Variants in INPP4B observed in about 807,000 individuals in gnomAD.
The protein encoded by INPP4B is inositol polyphosphate-4-phosphatase type II B.
A neutral mutation model predicts 122.5 loss-of-function variants in INPP4B; 55 were observed. The ratio of observed to expected loss-of-function variants is 0.45; its 90% CI spans 0.36 to 0.56. The LOEUF (loss-of-function observed/expected upper bound fraction) is 0.56. Ranked by LOEUF, INPP4B falls within the 20% of genes least tolerant of loss-of-function variation. The pLI is 0.00. For missense variants in INPP4B, 1,000 were observed against 1,097.7 expected, an observed-to-expected ratio of 0.91 and a Z score of 1.26; for synonymous variants, 403 against 388.7, an observed-to-expected ratio of 1.04 and a Z score of -0.43.
At chr4:142,716,938 T>A (rs1763852230) in intron 2 of INPP4B, among the ~76,000 whole-genome samples, 2 of 152,156 alleles carry the variant, frequency 1.3e-5, no homozygotes, top group South Asian at 4.1e-4. Flanking sequence ...AAGTGATAGG[T>A]TAACATAAGT....
chr4:142,087,409 T>G (rs949317819), intron 23 of INPP4B, among the ~76,000 whole-genome samples: 2 of 152,138 alleles, frequency 1.3e-5, no homozygotes, highest in East Asian at 3.9e-4. Context: ...ACGGAGACAA[T>G]GTACGTTATG....
intron 17 of INPP4B, among the ~76,000 whole-genome samples, chr4:142,159,260 T>TG (rs1483924625): frequency 9.8e-4 from 6 of 6,102 alleles, no homozygotes; most frequent in South Asian, 0.012. Flanking sequence ...CTTGGAACTG[T>TG]GAAAAAAAAA....
chr4:142,474,706 C>T (rs1819518486), intron 2 of INPP4B, among the ~76,000 whole-genome samples: 1 of 152,138 alleles, frequency 6.6e-6, no homozygotes, highest in African/African-American at 2.4e-5. Context: ...TCCAGCCCGG[C>T]AGTCCCACTT....
At chr4:142,668,373 T>G (rs969007873) in intron 2 of INPP4B, among the ~76,000 whole-genome samples, 5 of 152,074 alleles carry the variant, frequency 3.3e-5, no homozygotes, top group Admixed American at 3.3e-4. Flanking sequence ...AGGTCACATA[T>G]GACAAAACTC....
chr4:142,679,957 A>C (rs1463660993), intron 2 of INPP4B, among the ~76,000 whole-genome samples: 2 of 151,782 alleles, frequency 1.3e-5, no homozygotes, highest in Admixed American at 6.6e-5. Flanking sequence ...TAAGCAATTA[A>C]ATTTAGAAAT....
chr4:142,155,431 G>A (rs996264699), intron 17 of INPP4B, among the ~76,000 whole-genome samples: 3 of 152,228 alleles, frequency 2.0e-5, no homozygotes, highest in African/African-American at 7.2e-5. Flanking sequence ...TTCCTATGGA[G>A]ATACCTGGCT....
intron 10 of INPP4B, among the ~76,000 whole-genome samples, chr4:142,266,365 T>C (rs1378583238): frequency 1.3e-5 from 2 of 152,048 alleles, no homozygotes; most frequent in African/African-American, 4.8e-5. Context: ...GTGGGATATA[T>C]TCCAAGGAGA....
chr4:142,298,312 T>A (rs1319335082), intron 9 of INPP4B, among the ~76,000 whole-genome samples: 1 of 152,060 alleles, frequency 6.6e-6, no homozygotes, highest in African/African-American at 2.4e-5. Flanking sequence ...GAGGAAAAAT[T>A]CTGAGTTTCA....
At chr4:142,713,432 A>C (rs2150805706) in intron 2 of INPP4B, among the ~76,000 whole-genome samples, 1 of 152,272 alleles carries the variant, frequency 6.6e-6, no homozygotes, top group Non-Finnish European at 1.5e-5. Context: ...AAATCTGAGA[A>C]AGAGGAGTTC....
At chr4:142,630,533 A>G (rs1747699510) in intron 2 of INPP4B, among the ~76,000 whole-genome samples, 1 of 152,122 alleles carries the variant, frequency 6.6e-6, no homozygotes, top group African/African-American at 2.4e-5. Context: ...AGGCTGGTTA[A>G]TACAAATTAA....
At chr4:142,547,212 C>A (rs935546902) in intron 2 of INPP4B, among the ~76,000 whole-genome samples, 1 of 151,322 alleles carries the variant, frequency 6.6e-6, no homozygotes, top group Admixed American at 6.6e-5. Context: ...CCTACAAATT[C>A]ATAGAGCATA....
chr4:142,257,715 CAAAT>C (rs1292036702), intron 11 of INPP4B, among the ~76,000 whole-genome samples: 6 of 152,000 alleles, frequency 3.9e-5, no homozygotes, highest in African/African-American at 1.5e-4. Context: ...AGGATACAAA[CAAAT>C]AGAACATTCT....
At chr4:142,110,280 G>C (rs1456986785) in intron 22 of INPP4B, among the ~76,000 whole-genome samples, 3 of 152,072 alleles carry the variant, frequency 2.0e-5, no homozygotes, top group Non-Finnish European at 4.4e-5. Context: ...GCCAGAAAAA[G>C]AGCCCTCACT....
At chr4:142,398,934 T>C (rs1800649630) in intron 7 of INPP4B, among the ~76,000 whole-genome samples, 1 of 152,150 alleles carries the variant, frequency 6.6e-6, no homozygotes, top group Non-Finnish European at 1.5e-5. Context: ...AAACATTTAT[T>C]ACTTTCAGAG....
chr4:142,094,326 G>A (rs1285361275), intron 23 of INPP4B, among the ~76,000 whole-genome samples: 1 of 152,184 alleles, frequency 6.6e-6, no homozygotes, highest in Non-Finnish European at 1.5e-5. Flanking sequence ...AAGTGGCCTA[G>A]GTGCTGGCAC....
intron 2 of INPP4B, among the ~76,000 whole-genome samples, chr4:142,714,107 T>C (rs1164789307): frequency 1.3e-5 from 2 of 152,178 alleles, no homozygotes; most frequent in Non-Finnish European, 2.9e-5. Context: ...CATCATACAA[T>C]TACATCATAA....
At chr4:142,282,956 C>T (rs1042386867) in intron 9 of INPP4B, among the ~76,000 whole-genome samples, 1 of 152,022 alleles carries the variant, frequency 6.6e-6, no homozygotes, top group African/African-American at 2.4e-5. Context: ...AAGACCTTTG[C>T]CTTTTACTTT....
intron 25 of INPP4B, among the ~76,000 whole-genome samples, chr4:142,052,296 C>T (rs534088361): frequency 1.5e-3 from 232 of 152,082 alleles, no homozygotes; most frequent in African/African-American, 5.3e-3. Flanking sequence ...CTAATGATTT[C>T]TAAAGAGAAA....
chr4:142,104,930 T>A (rs1325291390), intron 23 of INPP4B, among the ~76,000 whole-genome samples: 1 of 152,136 alleles, frequency 6.6e-6, no homozygotes, highest in Non-Finnish European at 1.5e-5. Context: ...TTCAAATATT[T>A]CTTATCTGGG....
Sources: gnomAD v4.1 joint callset for allele counts (sites outside exome capture counted in the v4.1 genomes callset) on GRCh38, gnomAD v4.1.1 for gene constraint, MANE v1.5 for transcripts, NCBI Gene and HGNC (gene_info 2026-07-23, HGNC 2026-07-21) for gene names.